CDK5RAP2: variants seen among roughly 807,000 people sequenced by gnomAD.
The protein encoded by CDK5RAP2 is CDK5 regulatory subunit-associated protein 2.
In CDK5RAP2, 147 loss-of-function variants were observed where a neutral mutation model predicts 232.9. That is an observed-to-expected ratio of 0.63 (90% CI 0.55 to 0.72). The LOEUF (loss-of-function observed/expected upper bound fraction) is 0.72. CDK5RAP2 is among the 30% of genes least tolerant of loss of function. The pLI is 0.00. For missense variants in CDK5RAP2, 2,195 were observed against 2,231.5 expected (o/e 0.98, Z 0.33); for synonymous variants, 833 against 833.7 (o/e 1.00, Z 0.01).
At chr9:120,490,801 C>T (rs1056416947) in intron 13 of CDK5RAP2, among the ~76,000 whole-genome samples, 7 of 152,014 alleles carry the variant, frequency 4.6e-5, no homozygotes, top group Admixed American at 1.3e-4. Context: ...TTTATTCTTT[C>T]ATTGTTATTT....
At chr9:120,421,856 G>C (rs900761777) in intron 26 of CDK5RAP2, among the ~76,000 whole-genome samples, 2 of 152,236 alleles carry the variant, frequency 1.3e-5, no homozygotes, top group African/African-American at 4.8e-5. Context: ...GATGGAGTGT[G>C]ACAGATTCAA....
Position 120,415,063 on chromosome 9 carries a change from C to T in CDK5RAP2, c.4274G>A (p.Arg1425Gln). The T allele has an allele frequency of 1.2e-6, 2 of 1,614,148 alleles. No homozygotes were observed. Among genetic ancestry groups the T allele is most frequent in the Non-Finnish European group, 1.7e-6 (2 of 1,179,986 alleles). ...ACCTTGAACAAATTCAGATCCTTGC[C>T]GTTCCAACTGTTTCCGTAGCTTCTC... Reference protein sequence around the residue: ...TNEKLRKQLERQGSEFVQGST... With the variant: ...TNEKLRKQLEQQGSEFVQGST... The change falls in exon 28 of 38, where the codon CGG becomes CAG. Residue 1425 changes from arginine (R) to glutamine (Q), a missense_variant. Coordinates refer to ENST00000349780, the MANE Select transcript of CDK5RAP2 (RefSeq NM_018249.6).
intron 36 of CDK5RAP2, among the ~76,000 whole-genome samples, chr9:120,391,747 C>T (rs1382693029): frequency 6.6e-6 from 1 of 152,172 alleles, no homozygotes; most frequent in Non-Finnish European, 1.5e-5. Context: ...TCAGCCCTGG[C>T]CTTTGCTCTT....
chr9:120,552,301 T>G (rs1328528719), intron 3 of CDK5RAP2, among the ~76,000 whole-genome samples: 1 of 151,998 alleles, frequency 6.6e-6, no homozygotes, highest in Non-Finnish European at 1.5e-5. Context: ...CTCAGGGATC[T>G]AGAACTAGAA....
At chr9:120,395,761 A>AT (rs2032410498) in intron 35 of CDK5RAP2, among the ~76,000 whole-genome samples, 2 of 152,232 alleles carry the variant, frequency 1.3e-5, no homozygotes, top group Admixed American at 1.3e-4. Flanking sequence ...ATGTGTATTA[A>AT]AAGAGAGAAC....
intron 3 of CDK5RAP2, among the ~76,000 whole-genome samples, chr9:120,565,910 C>A (rs771113165): frequency 1.3e-5 from 2 of 152,210 alleles, no homozygotes; most frequent in Non-Finnish European, 2.9e-5. Flanking sequence ...TGGTCTTAAT[C>A]CACTGCAGAT....
chr9:120,518,211 G>GTGTGTGAC (rs1554770754), intron 12 of CDK5RAP2, among the ~76,000 whole-genome samples: 158 of 31,606 alleles, frequency 5.0e-3, no homozygotes, highest in Non-Finnish European at 9.0e-3. Context: ...GTGTGTGTGT[G>GTGTGTGAC]AGAGAGAGAG....
At chr9:120,494,286 G>A (rs1413510615) in intron 12 of CDK5RAP2, among the ~76,000 whole-genome samples, 1 of 152,152 alleles carries the variant, frequency 6.6e-6, no homozygotes, top group Admixed American at 6.5e-5. Context: ...CAGTAGTAAT[G>A]AGGATACCTA....
chr9:120,472,812 G>A (rs1440700882), intron 15 of CDK5RAP2, among the ~76,000 whole-genome samples: 1 of 152,222 alleles, frequency 6.6e-6, no homozygotes. Flanking sequence ...TCCAGTGATG[G>A]AAATGTTCTA....
At chr9:120,521,700 C>T (rs2131861610) in intron 11 of CDK5RAP2, among the ~76,000 whole-genome samples, 1 of 142,630 alleles carries the variant, frequency 7.0e-6, no homozygotes, top group South Asian at 2.2e-4. Context: ...GGCTGGAGTG[C>T]AGTGGCGCGA....
rs1171751921 is a variant in CDK5RAP2, at chr9:120,403,113, C to T, written c.5042-42G>A. The stretch of plus-strand genomic sequence containing the variant: ...AGGATGTAAAATCTGTTTCAGGTAA[C>T]ACTCTGCGTTCAAGACGCTTATGAT... On this transcript the variant is annotated intron_variant, in intron 33 of 37. Coordinates refer to ENST00000349780, the MANE Select transcript of CDK5RAP2 (RefSeq NM_018249.6). This position sits in a 1 kb window ranked among gnomAD's most constrained non-coding sequence, Gnocchi z 4.2. The T allele has an allele frequency of 1.2e-6, 2 of 1,605,882 alleles. No individual in the cohort carries two copies. The highest frequency in any genetic ancestry group is 1.1e-5 in the South Asian group (1 of 90,790).
intron 14 of CDK5RAP2, among the ~76,000 whole-genome samples, chr9:120,477,836 A>C (rs16909809): frequency 0.027 from 4,149 of 152,292 alleles, 192 homozygotes; most frequent in African/African-American, 0.094. Context: ...GAAATTCACA[A>C]ACCAAAACCT....
chr9:120,406,457 G>C (rs2033447907), intron 32 of CDK5RAP2: 1 of 154,066 alleles, frequency 6.5e-6, no homozygotes, highest in Admixed American at 6.4e-5. Flanking sequence ...CTGCCTGATT[G>C]CTTGGAGTCT....
intron 12 of CDK5RAP2, among the ~76,000 whole-genome samples, chr9:120,512,251 A>G (rs1192366529): frequency 6.6e-6 from 1 of 152,170 alleles, no homozygotes; most frequent in African/African-American, 2.4e-5. Flanking sequence ...CAGGAGGCTG[A>G]GTCAGGAGGA....
chr9:120,420,016 G>T, intron 26 of CDK5RAP2, 56 bp from the exon 27 acceptor site: 2 of 1,409,238 alleles, frequency 1.4e-6, no homozygotes, highest in Non-Finnish European at 1.0e-6. Flanking sequence ...CCCAAGCCAG[G>T]ACTATGACTT....
chr9:120,391,450 TC>T (rs1033373705), intron 36 of CDK5RAP2, among the ~76,000 whole-genome samples: 3 of 152,166 alleles, frequency 2.0e-5, no homozygotes, highest in Non-Finnish European at 2.9e-5. Flanking sequence ...CCATGGTTCT[TC>T]CCACCTCAGC....
At chr9:120,394,736 C>T (rs2032313090) in intron 35 of CDK5RAP2, 98 bp from the exon 36 acceptor site, 1 of 1,011,624 alleles carries the variant, frequency 9.9e-7, no homozygotes, top group African/African-American at 1.6e-5. Flanking sequence ...TGCTCAACCT[C>T]ACTAGCAAAA....
At chr9:120,574,160 T>C (rs1264770346) in intron 1 of CDK5RAP2, among the ~76,000 whole-genome samples, 1 of 152,190 alleles carries the variant, frequency 6.6e-6, no homozygotes, top group Non-Finnish European at 1.5e-5. Flanking sequence ...ACATCCCAAC[T>C]CTTAGACAAA....
chr9:120,492,493 C>T (rs755248535), intron 12 of CDK5RAP2, among the ~76,000 whole-genome samples: 11 of 152,042 alleles, frequency 7.2e-5, no homozygotes, highest in Non-Finnish European at 1.3e-4. Context: ...ACAGATGTGA[C>T]GTTGCAATCA....
Sources: allele counts gnomAD v4.1 joint callset (sites outside exome capture counted in the v4.1 genomes callset), GRCh38; gene constraint gnomAD v4.1.1; non-coding constraint Gnocchi (gnomAD v3.1); transcripts MANE v1.5; gene names NCBI Gene and HGNC (gene_info 2026-07-23, HGNC 2026-07-21).